PGGT1B: variants seen among roughly 807,000 people sequenced by gnomAD.
PGGT1B encodes geranylgeranyl transferase type-1 subunit beta.
Under a neutral mutation model 46.1 loss-of-function variants are expected in PGGT1B, and 30 were observed. The observed-to-expected ratio is 0.65, with a 90% confidence interval of 0.49 to 0.88. The LOEUF (loss-of-function observed/expected upper bound fraction) is 0.88, where lower values mean the gene tolerates loss of function less well. Ranked by LOEUF, PGGT1B falls within the 40% of genes least tolerant of loss-of-function variation. The pLI, the probability that PGGT1B is intolerant of heterozygous loss-of-function variation, is 0.00. For synonymous variants in PGGT1B, 170 were observed against 160.0 expected (o/e 1.06, Z -0.47); for missense variants, 376 against 455.9 (o/e 0.82, Z 1.60).
At position 115,210,775 on chromosome 5, in the gene PGGT1B, T is replaced by C. The variant is rs1434228087; in HGVS notation, c.*1627A>G. 6.6e-6 allele frequency: 1 copy of C among 152,118 alleles called. No homozygotes were observed. The highest frequency in any genetic ancestry group is 6.6e-5 in the Admixed American group (1 of 15,260). The allele number at this position is 152,118 out of a possible 1,614,324, so 9.4% of individuals were successfully genotyped here. On this transcript the variant is annotated 3_prime_UTR_variant, in exon 9 of 9. Transcript: ENST00000419445. ...TGACTTAGTTTGAGATATGGATGTC[T>C]TAATCTGCCAGGATTTAAATAGTAG...
chr5:115,259,418 G>A (rs1000035071), intron 1 of PGGT1B, among the ~76,000 whole-genome samples: 5 of 152,118 alleles, frequency 3.3e-5, no homozygotes, highest in East Asian at 1.9e-4. Flanking sequence ...GGCCGGGCAC[G>A]GTGGCTCACG....
At chr5:115,243,227 G>A in intron 2 of PGGT1B, among the ~76,000 whole-genome samples, 1 of 152,186 alleles carries the variant, frequency 6.6e-6, no homozygotes, top group East Asian at 1.9e-4. Flanking sequence ...TGATATATCT[G>A]AGAATCAATT....
At chr5:115,218,848 T>A (rs1020996839) in intron 7 of PGGT1B, among the ~76,000 whole-genome samples, 1 of 151,812 alleles carries the variant, frequency 6.6e-6, no homozygotes, top group African/African-American at 2.4e-5. Flanking sequence ...GCAATTTCAT[T>A]TACAAGAGCA....
intron 1 of PGGT1B, among the ~76,000 whole-genome samples, chr5:115,255,971 G>C (rs774962363): frequency 4.6e-5 from 7 of 152,152 alleles, no homozygotes; most frequent in Non-Finnish European, 1.0e-4. Context: ...ATAACATAGA[G>C]ATCAAGGTCC....
chr5:115,245,273 T>C (rs987226175), intron 2 of PGGT1B, among the ~76,000 whole-genome samples: 2 of 152,228 alleles, frequency 1.3e-5, no homozygotes, highest in African/African-American at 4.8e-5. Context: ...AATTTATTCA[T>C]CTTCTTAGAG....
intron 2 of PGGT1B, among the ~76,000 whole-genome samples, chr5:115,244,255 G>A (rs1282971437): frequency 6.6e-6 from 1 of 151,666 alleles, no homozygotes; most frequent in Non-Finnish European, 1.5e-5. Context: ...CACGAGGTCA[G>A]GAGATCAAGA....
intron 8 of PGGT1B, among the ~76,000 whole-genome samples, chr5:115,215,372 C>T (rs1211474517): frequency 6.6e-6 from 1 of 152,064 alleles, no homozygotes; most frequent in Non-Finnish European, 1.5e-5. Context: ...GACCTTGGCT[C>T]ACTGCAACCT....
In PGGT1B at chr5:115,210,768, G is replaced by C. The variant is rs561478616; in HGVS notation, c.*1634C>G. The stretch of plus-strand genomic sequence containing the variant: ...TAAGAGATGACTTAGTTTGAGATAT[G>C]GATGTCTTAATCTGCCAGGATTTAA... On this transcript the variant is annotated 3_prime_UTR_variant, in exon 9 of 9. Transcript: ENST00000419445. The C allele has an allele frequency of 2.6e-5, 4 of 151,916 alleles. No homozygotes were observed. Among genetic ancestry groups the C allele is most frequent in the Non-Finnish European group, 5.9e-5 (4 of 67,922 alleles). The allele number at this position is 151,916 out of a possible 1,614,324, so 9.4% of individuals were successfully genotyped here.
chr5:115,223,130 T>A (rs185344252), intron 6 of PGGT1B, among the ~76,000 whole-genome samples: 1 of 151,512 alleles, frequency 6.6e-6, no homozygotes, highest in African/African-American at 2.4e-5. Context: ...AAAAAAAGAA[T>A]TTTAAGGAAG....
At chr5:115,213,735 G>C (rs542013529) in intron 8 of PGGT1B, among the ~76,000 whole-genome samples, 2 of 152,254 alleles carry the variant, frequency 1.3e-5, no homozygotes, top group Admixed American at 1.3e-4. Flanking sequence ...TTATATCACT[G>C]CACTCTAGCC....
At chr5:115,229,399 A>G (rs1010734832) in intron 6 of PGGT1B, among the ~76,000 whole-genome samples, 1 of 152,264 alleles carries the variant, frequency 6.6e-6, no homozygotes. Context: ...AAACCTACCA[A>G]GCCAAATTTA....
At chr5:115,260,390 C>G (rs1447472894) in intron 1 of PGGT1B, among the ~76,000 whole-genome samples, 1 of 152,062 alleles carries the variant, frequency 6.6e-6, no homozygotes, top group East Asian at 1.9e-4. Flanking sequence ...TGGGGAGGCA[C>G]TCTATGAATG....
intron 1 of PGGT1B, among the ~76,000 whole-genome samples, chr5:115,257,530 CA>C (rs1169870044): frequency 0.04 from 2,884 of 72,020 alleles, 70 homozygotes; most frequent in African/African-American, 0.13. Context: ...AACTCCATCT[CA>C]AAAAAAAAAA....
intron 6 of PGGT1B, among the ~76,000 whole-genome samples, chr5:115,223,851 C>G (rs1011556151): frequency 2.8e-4 from 43 of 152,304 alleles, no homozygotes; most frequent in African/African-American, 9.4e-4. Flanking sequence ...AATACTTATA[C>G]TTGCAATTTA....
intron 3 of PGGT1B, 57 bp downstream of exon 3, chr5:115,241,482 T>G: frequency 9.0e-7 from 1 of 1,111,416 alleles, no homozygotes; most frequent in Non-Finnish European, 1.3e-6. Context: ...TAGTTTTCTC[T>G]TTTATTAAAA....
intron 2 of PGGT1B, among the ~76,000 whole-genome samples, chr5:115,242,098 T>C (rs1275758845): frequency 5.3e-5 from 8 of 152,212 alleles, no homozygotes; most frequent in African/African-American, 1.9e-4. Flanking sequence ...GAAGAGAAAA[T>C]ATGTACTTTG....
Position 115,236,580 on chromosome 5 carries a change from A to C in PGGT1B, c.480-58T>G, listed in dbSNP as rs1029787189. The C allele has an allele frequency of 3.2e-6, 4 of 1,260,534 alleles. No homozygotes were observed. The South Asian group carries it at 5.5e-5, about 17-fold the overall frequency. The allele number at this position is 1,260,534 out of a possible 1,614,324, so 78.1% of individuals were successfully genotyped here. ...TAACACTGGACTCTGATTTTTTTGC[A>C]TGGGGGTTAGAAACACCTCCTGCTT... is the stretch of plus-strand genomic sequence containing the variant. On this transcript the variant is annotated intron_variant, in intron 4 of 8. Transcript: ENST00000419445.
At chr5:115,242,044 A>C (rs1172466646) in intron 2 of PGGT1B, among the ~76,000 whole-genome samples, 1 of 152,156 alleles carries the variant, frequency 6.6e-6, no homozygotes, top group Non-Finnish European at 1.5e-5. Flanking sequence ...TTTTACTTTA[A>C]CTCATTGCTT....
At chr5:115,241,645 T>C (rs1757347959) in intron 2 of PGGT1B, 39 bp from the exon 3 acceptor site, 1 of 1,469,066 alleles carries the variant, frequency 6.8e-7, no homozygotes, top group Non-Finnish European at 9.4e-7. Flanking sequence ...AAGTACACTT[T>C]ATTTTTGCAC....
Sources: allele counts gnomAD v4.1 joint callset (sites outside exome capture counted in the v4.1 genomes callset), GRCh38; gene constraint gnomAD v4.1.1; transcripts MANE v1.5; gene names NCBI Gene and HGNC (gene_info 2026-07-23, HGNC 2026-07-21).